The following HTT variants were observed in gnomAD, a reference collection of about 807,000 sequenced individuals.
HTT encodes the protein huntingtin.
In HTT, 104 loss-of-function variants were observed where a neutral mutation model predicts 362.3. That is an observed-to-expected ratio of 0.29 (90% CI 0.24 to 0.34). The LOEUF (loss-of-function observed/expected upper bound fraction) is 0.34, where lower values mean the gene tolerates loss of function less well. Among genes scored for constraint, HTT ranks in the 10% least tolerant of loss-of-function variants. The pLI, the probability that HTT is intolerant of heterozygous loss-of-function variation, is 1.00. For missense variants in HTT, 3,301 were observed against 3,928.6 expected (o/e 0.84, Z 4.27); for synonymous variants, 1,577 against 1,548.7 (o/e 1.02, Z -0.43).
rs746140124 is a variant in HTT at position 3,136,339 on chromosome 4, A to G, written c.2798+13A>G. 2 of 1,442,966 alleles carry G rather than the reference A, an allele frequency of 1.4e-6. No homozygotes were observed. The highest frequency in any genetic ancestry group is 2.4e-5 in the South Asian group (2 of 84,162). 89.4% of individuals were successfully genotyped at this position (1,442,966 alleles called of 1,614,324 possible). On this transcript the variant is annotated intron_variant, in intron 21 of 66. Coordinates refer to ENST00000355072, the MANE Select transcript of HTT (RefSeq NM_001388492.1). ...CATCACTAATTAGGTATTTACCAAT[A>G]TTTTATCTCTTTTCCTTTTTTGGTT...
At chr4:3,229,330 C>G (rs1389914065) in intron 59 of HTT, among the ~76,000 whole-genome samples, 1 of 141,138 alleles carries the variant, frequency 7.1e-6, no homozygotes, top group Middle Eastern at 4.7e-3. Context: ...ACCACACACA[C>G]CACATGCACC....
chr4:3,176,471 C>A (rs960067982), intron 33 of HTT, among the ~76,000 whole-genome samples: 2 of 152,168 alleles, frequency 1.3e-5, no homozygotes, highest in East Asian at 1.9e-4. Context: ...TTGGGAACTT[C>A]TTTTCCTTTC....
At chr4:3,190,293 G>A (rs1347756888) in intron 40 of HTT, among the ~76,000 whole-genome samples, 2 of 149,788 alleles carry the variant, frequency 1.3e-5, no homozygotes, top group Non-Finnish European at 3.0e-5. Flanking sequence ...GCTGCAGGGA[G>A]CTATTATTGC....
intron 36 of HTT, 59 bp from the exon 37 acceptor site, chr4:3,182,290 GGACAC>G: frequency 1.0e-6 from 1 of 977,428 alleles, no homozygotes; most frequent in Admixed American, 1.8e-5. Context: ...TATAACAGAC[GGACAC>G]GTAGGGGTGG....
chr4:3,217,118 G>T (rs932980327), intron 51 of HTT, among the ~76,000 whole-genome samples: 3 of 152,124 alleles, frequency 2.0e-5, no homozygotes, highest in Non-Finnish European at 4.4e-5. Flanking sequence ...CTAGGAAGTT[G>T]CCCAAACTGT....
chr4:3,180,119 G>GTAT (rs1174096468), intron 35 of HTT, among the ~76,000 whole-genome samples: 9 of 147,850 alleles, frequency 6.1e-5, no homozygotes, highest in African/African-American at 2.1e-4. Flanking sequence ...TTGACTAAAT[G>GTAT]TATTATGTGG....
At chr4:3,223,274 C>G (rs1002584732) in intron 54 of HTT, 132 bp from the exon 55 acceptor site, 2 of 857,468 alleles carry the variant, frequency 2.3e-6, no homozygotes, top group African/African-American at 1.7e-5. Context: ...TGAGCTCAGC[C>G]TGACAGAAAT....
Position 3,229,986 on chromosome 4 carries a change from A to T in HTT, c.8209A>T (p.Ile2737Phe). ...AAGGGTGCACCCTTCAGAAGACGAGATCCTCGCTCAGTACCTGGTGCCTGC... is the reference window on the plus strand; with the variant it reads ...AAGGGTGCACCCTTCAGAAGACGAGTTCCTCGCTCAGTACCTGGTGCCTGC... ...LRRVHPSEDE[I>F]LAQYLVPATC... Residue 2737 changes from isoleucine (I) to phenylalanine (F), a missense_variant, in exon 60 of 67, where the codon ATC (isoleucine) becomes TTC (phenylalanine). Transcript: ENST00000355072. The T allele has an allele frequency of 6.2e-7, 1 of 1,614,012 alleles. No homozygotes were observed. Among genetic ancestry groups the T allele is most frequent in the South Asian group, 1.1e-5 (1 of 91,074 alleles).
rs71180116 is a variant in HTT at position 3,074,876 on chromosome 4, CCAGCAG to C, written c.105_110del (p.Gln37_Gln38del). On this transcript the variant is annotated inframe_deletion, in exon 1 of 67. Transcript: ENST00000355072. Reference sequence around the variant, plus strand: ...AGGCCTTCGAGTCCCTCAAGTCCTTCCAGCAGCAGCAGCAGCAGCAGCAGCAGCAGC... The same window carrying C: ...AGGCCTTCGAGTCCCTCAAGTCCTTCCAGCAGCAGCAGCAGCAGCAGCAGC... The C allele has an allele frequency of 0.24, 330,270 of 1,348,998 alleles. 35,626 individuals are homozygous for C. The highest frequency in any genetic ancestry group is 0.37 in the South Asian group (27,660 of 75,438). The allele number at this position is 1,348,998 out of a possible 1,614,324, so 83.6% of individuals were successfully genotyped here.
chr4:3,175,459 A>G (rs1262581746), intron 33 of HTT, among the ~76,000 whole-genome samples: 3 of 152,214 alleles, frequency 2.0e-5, no homozygotes, highest in Admixed American at 6.5e-5. Context: ...TGCAAAATCT[A>G]GAGTTAGTTT....
chr4:3,143,985 G>T lies in HTT; in HGVS notation c.3066+1099G>T, dbSNP rs78919479. Among the ~76,000 whole-genome samples, 1,001 of 152,232 alleles carry T rather than the reference G, an allele frequency of 6.6e-3. 13 individuals are homozygous for T. Among genetic ancestry groups the T allele is most frequent in the African/African-American group, 0.022 (919 of 41,522 alleles). ...AAGAATCCAAGAATAATTAAATTAT[G>T]TACATATGCTAGTATATAGTGTGAT... On this transcript the variant is annotated intron_variant, in intron 23 of 66. Coordinates refer to ENST00000355072, the MANE Select transcript of HTT (RefSeq NM_001388492.1).
chr4:3,234,245 T>C (rs1721409603), intron 61 of HTT, among the ~76,000 whole-genome samples: 1 of 152,228 alleles, frequency 6.6e-6, no homozygotes, highest in Non-Finnish European at 1.5e-5. Context: ...ATTTGGGACA[T>C]GCTGGAGCAG....
chr4:3,233,402 G>A (rs1721355837), intron 61 of HTT, 49 bp downstream of exon 61: 3 of 1,533,770 alleles, frequency 2.0e-6, no homozygotes, highest in Admixed American at 3.4e-5. Flanking sequence ...AGAATGAGCT[G>A]TGAAGGAAGC....
At chr4:3,093,519 G>T (rs1713629170) in intron 2 of HTT, among the ~76,000 whole-genome samples, 1 of 152,128 alleles carries the variant, frequency 6.6e-6, no homozygotes, top group Non-Finnish European at 1.5e-5. Context: ...TTCCCCAAAA[G>T]ATATCAAGTC....
Position 3,223,475 on chromosome 4 carries a change from A to G in HTT, c.7540A>G (p.Met2514Val), listed in dbSNP as rs1720769522. The change falls in exon 55 of 67, where the codon ATG becomes GTG. Residue 2514 changes from methionine to valine, a missense_variant. Transcript: ENST00000355072. ...QAITSLVLSA[M>V]TVPVAGNPAV... ...CATCACCTCACTGGTGCTCAGTGCA[A>G]TGACTGTGCCTGTGGCCGGCAACCC... 1.9e-6 allele frequency: 3 copies of G among 1,613,794 alleles called. No individual in the cohort carries two copies. The highest frequency in any genetic ancestry group is 1.7e-5 in the Admixed American group (1 of 59,974).
intron 40 of HTT, 133 bp downstream of exon 40, chr4:3,189,226 C>A: frequency 2.3e-6 from 2 of 879,424 alleles, no homozygotes; most frequent in East Asian, 2.5e-5. Context: ...ATATTTGTTG[C>A]TGTAAGAGTA....
At chr4:3,186,843 T>TGC in intron 38 of HTT, 124 bp downstream of exon 38, 1 of 632,962 alleles carries the variant, frequency 1.6e-6, no homozygotes, top group Non-Finnish European at 2.3e-6. Flanking sequence ...GTTTGCTTTT[T>TGC]TTTTTTTTTT....
intron 2 of HTT, among the ~76,000 whole-genome samples, chr4:3,090,939 C>T (rs1713472872): frequency 6.6e-6 from 1 of 152,206 alleles, no homozygotes; most frequent in Non-Finnish European, 1.5e-5. Flanking sequence ...CGGTGAAACA[C>T]TGCCTCTACT....
intron 37 of HTT, among the ~76,000 whole-genome samples, chr4:3,183,697 GT>G (rs529240860): frequency 1.2e-3 from 186 of 152,324 alleles, no homozygotes; most frequent in Admixed American, 2.9e-3. Flanking sequence ...CCTACAGATG[GT>G]TTTAGAATGG....
Sources: gnomAD v4.1 joint callset for allele counts (sites outside exome capture counted in the v4.1 genomes callset) on GRCh38, gnomAD v4.1.1 for gene constraint, MANE v1.5 for transcripts, NCBI Gene and HGNC (gene_info 2026-07-23, HGNC 2026-07-21) for gene names.